TEC: variants seen among roughly 807,000 people sequenced by gnomAD.
The protein encoded by TEC is tec protein tyrosine kinase.
TEC carries 72 observed loss-of-function variants against 93.0 expected under a neutral mutation model. The observed-to-expected ratio is 0.77, with a 90% CI of 0.64 to 0.94. The LOEUF (loss-of-function observed/expected upper bound fraction) is 0.94. TEC is among the 40% of genes least tolerant of loss of function. The probability of loss-of-function intolerance (pLI) is 0.00; values close to 1 mark genes in which losing one functional copy is unlikely to be tolerated. For missense variants in TEC, 630 were observed against 757.9 expected, an observed-to-expected ratio of 0.83 and a Z score of 1.98; for synonymous variants, 249 against 247.7, an observed-to-expected ratio of 1.01 and a Z score of -0.05.
chr4:48,137,635 A>G (rs1240470962), intron 17 of TEC, 136 bp from the exon 18 acceptor site: 3 of 689,966 alleles, frequency 4.3e-6, no homozygotes, highest in Non-Finnish European at 7.4e-6. Context: ...GGCATCTCCA[A>G]AGGGGTCTTG....
At chr4:48,168,116 G>A (rs1208309773) in intron 6 of TEC, among the ~76,000 whole-genome samples, 163 bp from the exon 7 acceptor site, 2 of 152,010 alleles carry the variant, frequency 1.3e-5, no homozygotes, top group African/African-American at 2.4e-5. Flanking sequence ...TATAATTCCT[G>A]TTTCATAACT....
intron 1 of TEC, among the ~76,000 whole-genome samples, chr4:48,229,003 G>A (rs62309356): frequency 3.3e-3 from 509 of 152,270 alleles, no homozygotes; most frequent in Non-Finnish European, 5.4e-3. Context: ...AGCACATTTC[G>A]TCACCTGTGT....
At chr4:48,243,152 T>C (rs776669012) in intron 1 of TEC, among the ~76,000 whole-genome samples, 1 of 151,838 alleles carries the variant, frequency 6.6e-6, no homozygotes, top group Non-Finnish European at 1.5e-5. Context: ...ACATAAGCAA[T>C]GGTTCTTTAA....
chr4:48,210,438 C>CCACA (rs975461669), intron 2 of TEC, among the ~76,000 whole-genome samples: 5 of 151,898 alleles, frequency 3.3e-5, no homozygotes, highest in African/African-American at 9.7e-5. Flanking sequence ...TGAGCTATGA[C>CCACA]CACACCACTG....
chr4:48,167,843 T>G lies in TEC; in HGVS notation c.606A>C (p.Arg202Ser). 1 of 1,613,948 alleles carries G rather than the reference T, an allele frequency of 6.2e-7. No homozygotes were observed. The highest frequency in any genetic ancestry group is 8.5e-7 in the Non-Finnish European group (1 of 1,179,902). The stretch of plus-strand genomic sequence containing the variant: ...TTTCTAAAATGAGATACTCTTGGCC[T>G]CTCTCTAATCTGAGATCATGTCCTT... Reference protein sequence around the residue: ...AAEGHDLRLERGQEYLILEKN... With the variant: ...AAEGHDLRLESGQEYLILEKN... The change falls in exon 7 of 18, where the codon AGA (arginine) becomes AGC (serine). Residue 202 changes from arginine to serine, a missense_variant. Around this residue, in one of 3 missense-constraint regions of TEC, gnomAD observed 335 missense variants for 351.5 expected, o/e 0.95. Coordinates refer to ENST00000381501, the MANE Select transcript of TEC (RefSeq NM_003215.3).
At chr4:48,262,970 T>G (rs954314684) in intron 1 of TEC, among the ~76,000 whole-genome samples, 2 of 152,196 alleles carry the variant, frequency 1.3e-5, no homozygotes, top group Non-Finnish European at 2.9e-5. Flanking sequence ...CCTACTTTTG[T>G]GGAAACTGAC....
intron 1 of TEC, among the ~76,000 whole-genome samples, chr4:48,251,969 C>A (rs1724216769): frequency 6.6e-6 from 1 of 152,036 alleles, no homozygotes; most frequent in African/African-American, 2.4e-5. Context: ...AGAAGCAAGG[C>A]AAGCTAAAAT....
At chr4:48,183,557 G>A (rs1373011792) in intron 2 of TEC, among the ~76,000 whole-genome samples, 1 of 152,228 alleles carries the variant, frequency 6.6e-6, no homozygotes, top group African/African-American at 2.4e-5. Flanking sequence ...TTAAAGCTGG[G>A]ATGTCCATCT....
intron 2 of TEC, among the ~76,000 whole-genome samples, chr4:48,204,748 C>T (rs73138450): frequency 0.089 from 13,578 of 152,212 alleles, 745 homozygotes; most frequent in East Asian, 0.22. Context: ...CAAGAGGGTT[C>T]GTGCTCCTAT....
intron 17 of TEC, among the ~76,000 whole-genome samples, chr4:48,137,800 C>T (rs761422463): frequency 2.0e-5 from 3 of 152,148 alleles, no homozygotes; most frequent in Non-Finnish European, 2.9e-5. Flanking sequence ...TGCCACTTCC[C>T]GACCCTCTTG....
intron 2 of TEC, among the ~76,000 whole-genome samples, chr4:48,185,171 C>CTA (rs1326337533): frequency 6.6e-6 from 1 of 152,124 alleles, no homozygotes; most frequent in Admixed American, 6.5e-5. Context: ...TAGTGAAAGA[C>CTA]TAAAGAGTTC....
intron 2 of TEC, among the ~76,000 whole-genome samples, 195 bp from the exon 3 acceptor site, chr4:48,176,381 C>A (rs1721325354): frequency 6.6e-6 from 1 of 151,362 alleles, no homozygotes; most frequent in Non-Finnish European, 1.5e-5. Context: ...TTATTAAATC[C>A]TTTAATTTAT....
At chr4:48,179,362 ATATATATATATATATTTTT>A (rs1331774703) in intron 2 of TEC, among the ~76,000 whole-genome samples, 7 of 39,444 alleles carry the variant, frequency 1.8e-4, no homozygotes, top group East Asian at 9.5e-4. Context: ...ATATATATAT[ATATATATATATATATTTTT>A]TTTTTTTTTT....
chr4:48,240,079 A>C (rs1306048628), intron 1 of TEC, among the ~76,000 whole-genome samples: 1 of 152,056 alleles, frequency 6.6e-6, no homozygotes, highest in Non-Finnish European at 1.5e-5. Context: ...CAGATAAAAT[A>C]ATGTCTGTGA....
intron 3 of TEC, among the ~76,000 whole-genome samples, chr4:48,174,217 CT>C (rs1721231833): frequency 6.6e-6 from 1 of 152,122 alleles, no homozygotes; most frequent in East Asian, 1.9e-4. Context: ...TTCTGTTCTA[CT>C]TGTATTATCA....
chr4:48,166,986 T>C (rs893685260), intron 7 of TEC, among the ~76,000 whole-genome samples: 3 of 151,872 alleles, frequency 2.0e-5, no homozygotes, highest in African/African-American at 7.3e-5. Flanking sequence ...GAGTGTGCTC[T>C]GGCAGGACAA....
Position 48,176,079 on chromosome 4 carries a change from C to G in TEC, c.243+3G>C. 1 of 1,610,158 alleles carries G rather than the reference C, an allele frequency of 6.2e-7. No individual in the cohort carries two copies. The highest frequency in any genetic ancestry group is 8.5e-7 in the Non-Finnish European group (1 of 1,176,544). ...GCACTGCCACAAAAATACACCAGCT[C>G]ACCTGAAATGGATACTTATTTTGAC... On this transcript the variant is annotated splice_donor_region_variant and intron_variant, in intron 3 of 17. Transcript: ENST00000381501.
intron 1 of TEC, among the ~76,000 whole-genome samples, chr4:48,241,774 T>C (rs1560422625): frequency 6.6e-6 from 1 of 152,232 alleles, no homozygotes; most frequent in Non-Finnish European, 1.5e-5. Context: ...GTTTCATTCA[T>C]CTCTTATCCT....
At chr4:48,252,991 C>T (rs1178315288) in intron 1 of TEC, among the ~76,000 whole-genome samples, 1 of 152,218 alleles carries the variant, frequency 6.6e-6, no homozygotes, top group Non-Finnish European at 1.5e-5. Flanking sequence ...GTATGCATTT[C>T]TCAGGGGCTT....
Sources: allele counts gnomAD v4.1 joint callset (sites outside exome capture counted in the v4.1 genomes callset), GRCh38; gene constraint gnomAD v4.1.1; regional missense constraint gnomAD v4.1.1; transcripts MANE v1.5; gene names NCBI Gene and HGNC (gene_info 2026-07-23, HGNC 2026-07-21).